Variants in ZNF32 observed in about 807,000 individuals in gnomAD.
ZNF32 encodes the protein zinc finger protein 32, also known as C2H2-546.
A neutral mutation model predicts 24.4 loss-of-function variants in ZNF32; 13 were observed. That is an observed-to-expected ratio of 0.53 (90% CI 0.35 to 0.85). The LOEUF is 0.85. ZNF32 is among the 40% of genes least tolerant of loss of function. The pLI, the probability that ZNF32 is intolerant of heterozygous loss-of-function variation, is 0.01. For missense variants in ZNF32, 239 were observed against 325.3 expected, an observed-to-expected ratio of 0.73 and a Z score of 2.04; for synonymous variants, 115 against 117.4, an observed-to-expected ratio of 0.98 and a Z score of 0.13.
In ZNF32 at chr10:43,644,057, G is replaced by A; in HGVS notation, c.815C>T (p.Thr272Ile). 6.2e-7 allele frequency: 1 copy of A among 1,611,778 alleles called. No homozygotes were observed. The highest frequency in any genetic ancestry group is 8.5e-7 in the Non-Finnish European group (1 of 1,178,910). Residue 272 changes from threonine to isoleucine, a missense_variant, in exon 3 of 3, where the codon ACC (threonine) becomes ATC (isoleucine). Thr to Ile is a moderately conservative substitution (Grantham distance 89, BLOSUM62 -1). Transcript: ENST00000374433. The surrounding 1 kb of genome is among the most constrained non-coding windows in gnomAD (Gnocchi z 5.3). ...VHQRSCSQRLTL is the reference protein window; with the variant it reads ...VHQRSCSQRLIL Reference sequence around the variant, plus strand: ...TTCTCTTCAGGAAAGTGGTCAAAGGGTGAGCCTCTGTGAGCAGCTTCGCTG... The same window carrying A: ...TTCTCTTCAGGAAAGTGGTCAAAGGATGAGCCTCTGTGAGCAGCTTCGCTG...
At position 43,644,319 on chromosome 10, in the gene ZNF32, C is replaced by G. The variant is rs775484824; in HGVS notation, c.553G>C (p.Gly185Arg). Residue 185 changes from glycine to arginine, a missense_variant, in exon 3 of 3, where the codon GGT (glycine) becomes CGT (arginine). Gly to Arg is a moderately radical substitution (Grantham distance 125, BLOSUM62 -2). Coordinates refer to ENST00000374433, the MANE Select transcript of ZNF32 (RefSeq NM_006973.3). This position sits in a 1 kb window ranked among gnomAD's most constrained non-coding sequence, Gnocchi z 5.3. Reference sequence around the variant, plus strand: ...TGATCACATCTATAGGGCTTCTCACCACTGTGAACTCTCCTGTGAACAGCA... The same window carrying G: ...TGATCACATCTATAGGGCTTCTCACGACTGTGAACTCTCCTGTGAACAGCA... The part of the protein sequence containing the change: ...NLAVHRRVHS[G>R]EKPYRCDQCG... The G allele has an allele frequency of 1.2e-6, 2 of 1,614,154 alleles. No homozygotes were observed. Among genetic ancestry groups the G allele is most frequent in the Non-Finnish European group, 1.7e-6 (2 of 1,180,006 alleles).
chr10:43,648,619 C>G (rs983238153), intron 1 of ZNF32, 183 bp downstream of exon 1: 1 of 152,278 alleles, frequency 6.6e-6, no homozygotes, highest in African/African-American at 2.4e-5. Context: ...CGGGACCCTG[C>G]TCTGCGGACC....
At position 43,644,222 on chromosome 10, in the gene ZNF32, T is replaced by C. The variant is rs1400929811; in HGVS notation, c.650A>G (p.Tyr217Cys). 1 of 1,614,242 alleles carries C rather than the reference T, an allele frequency of 6.2e-7. No homozygotes were observed. Among genetic ancestry groups the C allele is most frequent in the South Asian group, 1.1e-5 (1 of 91,082 alleles). The change falls in exon 3 of 3, where the codon TAT becomes TGT. Residue 217 changes from tyrosine to cysteine, a missense_variant. Transcript: ENST00000374433. The surrounding 1 kb of genome is among the most constrained non-coding windows in gnomAD (Gnocchi z 5.3). ...HIRVHTGLKP[Y>C]ACTQCRKSFH... ...ACTCTTCCTGCACTGGGTACAGGCA[T>C]AGGGCTTCAGGCCTGTGTGGACTCT...
Position 43,643,956 on chromosome 10 carries a change from T to A in ZNF32, c.*94A>T. The A allele has an allele frequency of 5.1e-6, 7 of 1,361,292 alleles. No homozygotes were observed. The highest frequency in any genetic ancestry group is 2.4e-4 in the Middle Eastern group (1 of 4,084). The allele number at this position is 1,361,292 out of a possible 1,614,324, so 84.3% of individuals were successfully genotyped here. On this transcript the variant is annotated 3_prime_UTR_variant, in exon 3 of 3. Transcript: ENST00000374433. ...ACCCAATGATGGTCTTTCTGAAAGATTCTCCATTCATTCCATAGAACTGGA... is the reference window on the plus strand; with the variant it reads ...ACCCAATGATGGTCTTTCTGAAAGAATCTCCATTCATTCCATAGAACTGGA...
chr10:43,644,176 A>C lies in ZNF32; in HGVS notation c.696T>G (p.Cys232Trp). 3.7e-6 allele frequency: 6 copies of C among 1,614,224 alleles called. No individual in the cohort carries two copies. In the South Asian group the frequency reaches 4.4e-5, roughly 12 times the overall value. The stretch of plus-strand genomic sequence containing the variant: ...CTGTGTGGATTTTGCCATGCAGAAT[A>C]CAATTCCCCCTGGTGTGGAAACTCT... Reference protein sequence around the residue: ...CRKSFHTRGNCILHGKIHTGE... With the variant: ...CRKSFHTRGNWILHGKIHTGE... Residue 232 changes from cysteine (C) to tryptophan (W), a missense_variant, in exon 3 of 3, where the codon TGT (cysteine) becomes TGG (tryptophan). By Grantham distance (215) the Cys-to-Trp change is radical. Coordinates refer to ENST00000374433, the MANE Select transcript of ZNF32 (RefSeq NM_006973.3). The surrounding 1 kb of genome is among the most constrained non-coding windows in gnomAD (Gnocchi z 5.3).
chr10:43,643,936 ATG>A lies in ZNF32; in HGVS notation c.*112_*113del. On this transcript the variant is annotated 3_prime_UTR_variant, in exon 3 of 3. Coordinates refer to ENST00000374433, the MANE Select transcript of ZNF32 (RefSeq NM_006973.3). Reference sequence around the variant, plus strand: ...GAAAAAAATCAGTTTGCCCTACCCAATGATGGTCTTTCTGAAAGATTCTCCAT... The same window carrying A: ...GAAAAAAATCAGTTTGCCCTACCCAAATGGTCTTTCTGAAAGATTCTCCAT... 1 of 1,221,758 alleles carries A rather than the reference ATG, an allele frequency of 8.2e-7. No individual in the cohort carries two copies. Among genetic ancestry groups the A allele is most frequent in the South Asian group, 1.6e-5 (1 of 61,036 alleles). 75.7% of individuals were successfully genotyped at this position (1,221,758 alleles called of 1,614,324 possible).
At chr10:43,646,322 T>C in intron 1 of ZNF32, 120 bp from the exon 2 acceptor site, 1 of 632,506 alleles carries the variant, frequency 1.6e-6, no homozygotes, top group South Asian at 2.0e-5. Flanking sequence ...TTGTTTGACA[T>C]AATGTCAGTT....
rs1839419093 is a variant in ZNF32, at chr10:43,648,814, TGCCCGCAGACAAAGGCCGGCGCCGA to T, written c.-107_-83del. 1 of 151,832 alleles carries T rather than the reference TGCCCGCAGACAAAGGCCGGCGCCGA, an allele frequency of 6.6e-6. No individual in the cohort carries two copies. The allele number at this position is 151,832 out of a possible 1,614,324, so 9.4% of individuals were successfully genotyped here. ...CGGCCTCACTCACCGCAGCGGCGCG[TGCCCGCAGACAAAGGCCGGCGCCGA>T]GCCCGCAGCAGCGCCAGCGCCGGCG... On this transcript the variant is annotated 5_prime_UTR_variant, in exon 1 of 3. Coordinates refer to ENST00000374433, the MANE Select transcript of ZNF32 (RefSeq NM_006973.3).
rs770215320 is a variant in ZNF32 at position 43,644,500 on chromosome 10, T to C, written c.372A>G (p.Gln124=). The C allele has an allele frequency of 2.5e-6, 4 of 1,614,200 alleles. No individual in the cohort carries two copies. Among genetic ancestry groups the C allele is most frequent in the East Asian group, 2.2e-5 (1 of 44,876 alleles). ...AAGGCTTCTCTCCCGTGTGTATCCG[T>C]TGATGTGTAACAAGATTGCCTTTGG... ...FRAKGNLVTH[Q]RIHTGEKPYQ... The change falls in exon 3 of 3, where the codon CAA becomes CAG. Residue 124 remains glutamine, a synonymous_variant. Transcript: ENST00000374433. The surrounding 1 kb of genome is among the most constrained non-coding windows in gnomAD (Gnocchi z 5.3).
intron 1 of ZNF32, among the ~76,000 whole-genome samples, chr10:43,648,311 G>A (rs78392287): frequency 0.026 from 3,903 of 152,286 alleles, 273 homozygotes; most frequent in East Asian, 0.24. Flanking sequence ...AAATGTCCTG[G>A]GGCCAGTTTC....
At chr10:43,646,809 C>A (rs1839309485) in intron 1 of ZNF32, among the ~76,000 whole-genome samples, 1 of 152,152 alleles carries the variant, frequency 6.6e-6, no homozygotes, top group African/African-American at 2.4e-5. Context: ...GACTCCAAGC[C>A]CAAGGCACTC....
chr10:43,645,015 A>T (rs1478581908), intron 2 of ZNF32: 2 of 548,506 alleles, frequency 3.6e-6, no homozygotes, highest in East Asian at 3.1e-5. Context: ...GTTAGAGCTG[A>T]CTCAAATAGG....
At chr10:43,647,844 CCT>C (rs1294461126) in intron 1 of ZNF32, 20 of 152,316 alleles carry the variant, frequency 1.3e-4, no homozygotes, top group Admixed American at 1.2e-3. Flanking sequence ...CACAGCTCTG[CCT>C]CTCCACCTGC....
At chr10:43,645,172 C>T (rs1034035711) in intron 2 of ZNF32, 23 of 168,548 alleles carry the variant, frequency 1.4e-4, no homozygotes, top group South Asian at 4.5e-4. Context: ...GAGCCCCATA[C>T]CCAACTTTTA....
At position 43,644,065 on chromosome 10, in the gene ZNF32, C is replaced by G. The variant is rs1394289463; in HGVS notation, c.807G>C (p.Gln269His). 1 of 1,613,324 alleles carries G rather than the reference C, an allele frequency of 6.2e-7. No homozygotes were observed. The highest frequency in any genetic ancestry group is 1.1e-5 in the South Asian group (1 of 90,974). The change falls in exon 3 of 3, where the codon CAG (glutamine) becomes CAC (histidine). Residue 269 changes from glutamine (Q) to histidine (H), a missense_variant. Coordinates refer to ENST00000374433, the MANE Select transcript of ZNF32 (RefSeq NM_006973.3). This position sits in a 1 kb window ranked among gnomAD's most constrained non-coding sequence, Gnocchi z 5.3. ...SLAVHQRSCS[Q>H]RLTL is the part of the protein sequence containing the mutation. ...AGGAAAGTGGTCAAAGGGTGAGCCT[C>G]TGTGAGCAGCTTCGCTGGTGCACAG...
chr10:43,647,368 C>G (rs1267154407), intron 1 of ZNF32, among the ~76,000 whole-genome samples: 2 of 152,144 alleles, frequency 1.3e-5, no homozygotes, highest in African/African-American at 4.8e-5. Context: ...GCTACTACAC[C>G]TGGCCCACAT....
At chr10:43,646,297 T>C in intron 1 of ZNF32, 95 bp from the exon 2 acceptor site, 2 of 739,500 alleles carry the variant, frequency 2.7e-6, no homozygotes, top group East Asian at 5.6e-5. Context: ...CATAAGTGAA[T>C]GTAAGAAACC....
chr10:43,645,432 A>ATC (rs1232144932), intron 2 of ZNF32, among the ~76,000 whole-genome samples: 1 of 152,214 alleles, frequency 6.6e-6, no homozygotes, highest in Non-Finnish European at 1.5e-5. Flanking sequence ...CTTTACATCT[A>ATC]TCATTGCTAA....
chr10:43,648,092 C>T (rs1401903230), intron 1 of ZNF32: 1 of 152,186 alleles, frequency 6.6e-6, no homozygotes, highest in African/African-American at 2.4e-5. Flanking sequence ...GTGGCTCCCC[C>T]AGGATATGAT....
Sources: gnomAD v4.1 joint callset for allele counts (sites outside exome capture counted in the v4.1 genomes callset) on GRCh38, gnomAD v4.1.1 for gene constraint, Gnocchi (gnomAD v3.1) non-coding constraint, MANE v1.5 for transcripts, NCBI Gene and HGNC (gene_info 2026-07-23, HGNC 2026-07-21) for gene names.